Variants in PTBP3 observed in about 807,000 individuals in gnomAD.
The protein encoded by PTBP3 is polypyrimidine tract-binding protein 3.
PTBP3 carries 20 observed loss-of-function variants against 58.7 expected under a neutral mutation model. The observed-to-expected ratio is 0.34, with a 90% CI of 0.24 to 0.50. PTBP3 has a LOEUF of 0.50. Ranked by LOEUF, PTBP3 falls within the 20% of genes least tolerant of loss-of-function variation. The probability of loss-of-function intolerance (pLI) is 0.98; values close to 1 mark genes in which losing one functional copy is unlikely to be tolerated. For missense variants in PTBP3, 509 were observed against 637.2 expected (o/e 0.80, Z 2.17); for synonymous variants, 185 against 219.8 (o/e 0.84, Z 1.40).
At chr9:112,361,070 T>C in the PTBP3 span, among the ~76,000 whole-genome samples, 502 of 152,284 alleles carry the variant, frequency 3.3e-3, 2 homozygotes, top group Admixed American at 9.9e-3. Flanking sequence ...CATTGGAGAA[T>C]TAAACTTCAT....
intron 10 of PTBP3, among the ~76,000 whole-genome samples, chr9:112,228,694 GA>G (rs1232476604): frequency 6.6e-6 from 1 of 152,024 alleles, no homozygotes; most frequent in Non-Finnish European, 1.5e-5. Flanking sequence ...GTCCCAAAAT[GA>G]TTCATCCCCC....
At chr9:112,336,577 T>A (rs977073828), upstream of PTBP3, among the ~76,000 whole-genome samples, 9 of 151,982 alleles carry the variant, frequency 5.9e-5, no homozygotes, top group Admixed American at 1.3e-4. Flanking sequence ...AGCTCAGCAG[T>A]GTGAGACCAG....
At chr9:112,313,973 T>C (rs565601021) in intron 1 of PTBP3, among the ~76,000 whole-genome samples, 1 of 152,296 alleles carries the variant, frequency 6.6e-6, no homozygotes, top group South Asian at 2.1e-4. Context: ...AAAGTTGAAT[T>C]TGCCATGTGC....
chr9:112,317,481 G>A (rs1829755111), intron 1 of PTBP3, among the ~76,000 whole-genome samples: 1 of 151,976 alleles, frequency 6.6e-6, no homozygotes, highest in South Asian at 2.1e-4. Context: ...TAAAACTGAT[G>A]AAATTCAAGA....
At chr9:112,374,695 T>A in the PTBP3 span, among the ~76,000 whole-genome samples, 1 of 152,198 alleles carries the variant, frequency 6.6e-6, no homozygotes, top group African/African-American at 2.4e-5. Flanking sequence ...GTAAGTATCT[T>A]GTTCAGAGGC....
At chr9:112,229,364 G>C (rs540384903) in intron 10 of PTBP3, among the ~76,000 whole-genome samples, 28 of 152,200 alleles carry the variant, frequency 1.8e-4, no homozygotes, top group Admixed American at 1.6e-3. Context: ...AGGAATTCGA[G>C]ACCAGCCTGG....
chr9:112,362,164 C>T, the PTBP3 span, among the ~76,000 whole-genome samples: 4 of 152,122 alleles, frequency 2.6e-5, no homozygotes, highest in African/African-American at 9.7e-5. Flanking sequence ...CATGGCATGA[C>T]CCTGTCTCTA....
the PTBP3 span, among the ~76,000 whole-genome samples, chr9:112,343,212 AT>A: frequency 1.4e-5 from 2 of 147,878 alleles, no homozygotes; most frequent in Non-Finnish European, 1.5e-5. Context: ...ACTCTGAACA[AT>A]TTTTTTTTTT....
At chr9:112,300,300 T>A (rs1313333204) in intron 1 of PTBP3, among the ~76,000 whole-genome samples, 1 of 152,228 alleles carries the variant, frequency 6.6e-6, no homozygotes, top group African/African-American at 2.4e-5. Flanking sequence ...CATATAAGAT[T>A]GTCTTCAGCA....
At chr9:112,261,262 T>C (rs2132125205) in intron 5 of PTBP3, among the ~76,000 whole-genome samples, 1 of 152,278 alleles carries the variant, frequency 6.6e-6, no homozygotes, top group South Asian at 2.1e-4. Flanking sequence ...GCATATGTTT[T>C]AAAAATGGTA....
chr9:112,274,725 G>A (rs1283138084), intron 3 of PTBP3, among the ~76,000 whole-genome samples: 3 of 152,054 alleles, frequency 2.0e-5, no homozygotes, highest in Non-Finnish European at 4.4e-5. Flanking sequence ...CATTATTTTG[G>A]ACTAGCCTCC....
chr9:112,280,345 G>A (rs1481323934), intron 2 of PTBP3, among the ~76,000 whole-genome samples: 4 of 146,370 alleles, frequency 2.7e-5, no homozygotes, highest in Non-Finnish European at 4.6e-5. Context: ...ATGAGCCACC[G>A]TGCCTGGGCT....
intron 12 of PTBP3, among the ~76,000 whole-genome samples, chr9:112,225,871 C>T (rs569565699): frequency 6.6e-6 from 1 of 151,928 alleles, no homozygotes; most frequent in African/African-American, 2.4e-5. Context: ...AATGGTAAAA[C>T]CCTGTCTCTA....
chr9:112,262,648 A>G (rs1836647064), intron 4 of PTBP3, 49 bp from the exon 5 acceptor site: 1 of 1,466,744 alleles, frequency 6.8e-7, no homozygotes, highest in African/African-American at 1.4e-5. Flanking sequence ...GACGCATTAT[A>G]TGAATCCTAA....
rs2132064846 is a variant in PTBP3, at chr9:112,248,860, C to G, written c.802+2069G>C. Among the ~76,000 whole-genome samples, 3 of 152,176 alleles carry G rather than the reference C, an allele frequency of 2.0e-5. No individual in the cohort carries two copies. The East Asian group carries it at 5.8e-4, about 29-fold the overall frequency. On this transcript the variant is annotated intron_variant, in intron 7 of 13. Coordinates refer to ENST00000374257, the MANE Select transcript of PTBP3 (RefSeq NM_001163788.4). ...AAACTAAAACAACCAAACTATTTAT[C>G]AACAATAAAATGGATAAACAAACCA...
At chr9:112,313,389 C>G (rs1317643022) in intron 1 of PTBP3, among the ~76,000 whole-genome samples, 1 of 152,156 alleles carries the variant, frequency 6.6e-6, no homozygotes, top group African/African-American at 2.4e-5. Context: ...TTTTTATATT[C>G]ATTTCTTCAA....
At chr9:112,244,035 C>T (rs1176525038) in intron 7 of PTBP3, among the ~76,000 whole-genome samples, 1 of 151,906 alleles carries the variant, frequency 6.6e-6, no homozygotes, top group African/African-American at 2.4e-5. Context: ...GGCACAGTGG[C>T]TCACACCTGT....
At position 112,223,506 on chromosome 9, in the gene PTBP3, T is replaced by C. The variant is rs748087621; in HGVS notation, c.*345A>G. On this transcript the variant is annotated 3_prime_UTR_variant, in exon 14 of 14. Transcript: ENST00000374257. ...AAAAGTACAAATGAGTTTAGAAATG[T>C]TGTATAAGGCTGATCTGGACCCAAA... 2.9e-4 allele frequency: 263 copies of C among 921,526 alleles called. No individual in the cohort carries two copies. The highest frequency in any genetic ancestry group is 2.7e-4 in the Non-Finnish European group (210 of 766,130). 57.1% of individuals were successfully genotyped at this position (921,526 alleles called of 1,614,324 possible).
intron 5 of PTBP3, among the ~76,000 whole-genome samples, chr9:112,259,818 C>T (rs10759543): frequency 0.85 from 129,105 of 152,258 alleles, 55,165 homozygotes; most frequent in African/African-American, 0.95. Context: ...ATAATATTCA[C>T]CACATCTTAT....
Sources: gnomAD v4.1 joint callset for allele counts (sites outside exome capture counted in the v4.1 genomes callset) on GRCh38, gnomAD v4.1.1 for gene constraint, MANE v1.5 for transcripts, NCBI Gene and HGNC (gene_info 2026-07-23, HGNC 2026-07-21) for gene names.